The following CAB39 variants were observed in gnomAD, a reference collection of about 807,000 sequenced individuals.
CAB39 encodes the protein calcium binding protein 39, also known as calcium-binding protein 39.
A neutral mutation model predicts 40.0 loss-of-function variants in CAB39; 8 were observed. The observed-to-expected ratio is 0.20, with a 90% CI of 0.12 to 0.36. The LOEUF is 0.36. CAB39 is among the 10% of genes least tolerant of loss of function. CAB39 has a pLI of 1.00. For missense variants in CAB39, 270 were observed against 401.1 expected (o/e 0.67, Z 2.79); for synonymous variants, 156 against 141.6 (o/e 1.10, Z -0.72).
intron 4 of CAB39, among the ~76,000 whole-genome samples, chr2:230,797,376 A>G (rs1696004572): frequency 6.6e-6 from 1 of 152,184 alleles, no homozygotes; most frequent in South Asian, 2.1e-4. Flanking sequence ...CACACTAGAC[A>G]AATTTCAGGT....
At chr2:230,724,508 C>T (rs1345682910) in intron 1 of CAB39, among the ~76,000 whole-genome samples, 6 of 152,028 alleles carry the variant, frequency 3.9e-5, no homozygotes, top group African/African-American at 1.4e-4. Flanking sequence ...ATGGAGAAAT[C>T]CCGCCTCCAC....
At chr2:230,767,726 A>C (rs1695412553) in intron 2 of CAB39, among the ~76,000 whole-genome samples, 1 of 152,182 alleles carries the variant, frequency 6.6e-6, no homozygotes, top group Non-Finnish European at 1.5e-5. Context: ...TGCCCTGAGC[A>C]ATGAGGCCCA....
intron 2 of CAB39, among the ~76,000 whole-genome samples, chr2:230,769,304 T>G (rs1345467398): frequency 1.3e-5 from 2 of 152,186 alleles, no homozygotes; most frequent in African/African-American, 2.4e-5. Context: ...ACACAATTAA[T>G]AGTTGGAGAT....
At chr2:230,786,213 C>T (rs947283422) in intron 2 of CAB39, among the ~76,000 whole-genome samples, 2 of 150,914 alleles carry the variant, frequency 1.3e-5, no homozygotes, top group Non-Finnish European at 3.0e-5. Flanking sequence ...CCATGTTGCC[C>T]AGGCTGGTCT....
intron 2 of CAB39, among the ~76,000 whole-genome samples, chr2:230,770,819 G>A (rs1695469284): frequency 6.6e-6 from 1 of 151,844 alleles, no homozygotes; most frequent in African/African-American, 2.4e-5. Context: ...ATGAAAAGGG[G>A]AAAAAAACCA....
rs76086615 is a variant in CAB39 at position 230,729,317 on chromosome 2, G to C, written c.-44+16087G>C. Among the ~76,000 whole-genome samples the C allele has an allele frequency of 2.9e-3, 441 of 152,312 alleles. 3 individuals are homozygous for C. The highest frequency in any genetic ancestry group is 0.014 in the Admixed American group (207 of 15,292). ...AACAAAGATGCCCAGTAACACTGATGTTTGATAATGTCTTGGCCAGTGCAA... is the reference window on the plus strand; with the variant it reads ...AACAAAGATGCCCAGTAACACTGATCTTTGATAATGTCTTGGCCAGTGCAA... On this transcript the variant is annotated intron_variant, in intron 1 of 8. Transcript: ENST00000258418.
chr2:230,721,490 A>G (rs932066660), intron 1 of CAB39, among the ~76,000 whole-genome samples: 2 of 151,960 alleles, frequency 1.3e-5, no homozygotes, highest in African/African-American at 4.8e-5. Flanking sequence ...CCAAAATACA[A>G]TTTTTTCTGT....
intron 2 of CAB39, among the ~76,000 whole-genome samples, chr2:230,783,425 G>A (rs1695729569): frequency 7.7e-6 from 1 of 130,642 alleles, no homozygotes; most frequent in African/African-American, 2.8e-5. Flanking sequence ...TTCTTAGAGG[G>A]AAGTCTGTTC....
chr2:230,740,260 C>G (rs888246833), intron 1 of CAB39, among the ~76,000 whole-genome samples: 1 of 152,168 alleles, frequency 6.6e-6, no homozygotes. Context: ...ACTCTCTTCC[C>G]TGACCTATTC....
In CAB39 at chr2:230,818,895, A is replaced by G. The variant is rs573803733; in HGVS notation, c.*191A>G. 1.9e-6 allele frequency: 1 copy of G among 523,824 alleles called. No homozygotes were observed. The highest frequency in any genetic ancestry group is 3.4e-6 in the Non-Finnish European group (1 of 291,346). The allele number at this position is 523,824 out of a possible 1,614,324, so 32.4% of individuals were successfully genotyped here. A position where few individuals can be genotyped will look rare whatever the true frequency, so the allele number is the denominator to read the frequency against. ...TGCTGCTGCTTGCACACTAGGGCAC[A>G]TGTGGGCTTTCTCTTGATCTTTGTG... On this transcript the variant is annotated 3_prime_UTR_variant, in exon 9 of 9. Coordinates refer to ENST00000258418, the MANE Select transcript of CAB39 (RefSeq NM_016289.4).
chr2:230,725,077 G>A, intron 1 of CAB39: 1 of 1,539,136 alleles, frequency 6.5e-7, no homozygotes, highest in Non-Finnish European at 9.0e-7. Context: ...AGAGGACAGG[G>A]GAGGAGTCCC....
At chr2:230,808,461 TC>T (rs1361971451) in intron 5 of CAB39, among the ~76,000 whole-genome samples, 1 of 152,224 alleles carries the variant, frequency 6.6e-6, no homozygotes, top group Non-Finnish European at 1.5e-5. Flanking sequence ...AATGGTGCTG[TC>T]CGTACTTGAT....
Position 230,818,733 on chromosome 2 carries a change from A to G in CAB39, c.*29A>G. On this transcript the variant is annotated 3_prime_UTR_variant, in exon 9 of 9. Transcript: ENST00000258418. ...CCAATAAACATCTATGTTAAATCCA[A>G]ATTCAGCATTTGCTGTTAGCTATTC... 2 of 1,571,738 alleles carry G rather than the reference A, an allele frequency of 1.3e-6. No individual in the cohort carries two copies. The highest frequency in any genetic ancestry group is 1.7e-6 in the Non-Finnish European group (2 of 1,145,052).
intron 2 of CAB39, among the ~76,000 whole-genome samples, chr2:230,778,307 A>G (rs1695629019): frequency 6.6e-6 from 1 of 152,162 alleles, no homozygotes; most frequent in South Asian, 2.1e-4. Flanking sequence ...GCCGGTTTGG[A>G]TCTACTGAGT....
intron 2 of CAB39, among the ~76,000 whole-genome samples, chr2:230,765,846 T>C (rs1044829896): frequency 6.6e-6 from 1 of 152,152 alleles, no homozygotes; most frequent in Admixed American, 6.5e-5. Flanking sequence ...AATGCTGAGA[T>C]TGAGAACTCC....
chr2:230,755,624 AT>A (rs1464898832), intron 1 of CAB39, among the ~76,000 whole-genome samples: 4 of 152,268 alleles, frequency 2.6e-5, no homozygotes, highest in Admixed American at 6.5e-5. Flanking sequence ...TTCTTTTGCC[AT>A]GCAAAAGCAC....
At position 230,783,442 on chromosome 2, in the gene CAB39, A is replaced by AGTTTAGTTTTGTTTT. The variant is rs144986777; in HGVS notation, c.115-7426_115-7425insAGTTTTGTTTTGTTT. 3.4e-5 allele frequency among the ~76,000 whole-genome samples: 5 copies of AGTTTAGTTTTGTTTT among 148,986 alleles called. No homozygotes were observed. The East Asian group carries it at 8.0e-4, about 24-fold the overall frequency. On this transcript the variant is annotated intron_variant, in intron 2 of 8. Transcript: ENST00000258418. Reference sequence around the variant, plus strand: ...CTTAGAGGGAAGTCTGTTCTTGTCTAGTTTTGTTTTGTTTTGTTTTGTTTT... The same window carrying AGTTTAGTTTTGTTTT: ...CTTAGAGGGAAGTCTGTTCTTGTCTAGTTTAGTTTTGTTTTGTTTTGTTTTGTTTTGTTTTGTTTT...
intron 1 of CAB39, among the ~76,000 whole-genome samples, chr2:230,748,831 A>AAATATATATATATAT (rs1386799920): frequency 1.1e-4 from 3 of 28,506 alleles, no homozygotes; most frequent in Non-Finnish European, 1.9e-4. Context: ...AAAAAAAAAA[A>AAATATATATATATAT]ATATATATAT....
intron 4 of CAB39, among the ~76,000 whole-genome samples, chr2:230,797,474 G>T (rs1230073565): frequency 1.3e-5 from 2 of 150,824 alleles, no homozygotes; most frequent in Non-Finnish European, 2.9e-5. Flanking sequence ...GTTTAGAACT[G>T]GGTAACTGAA....
Sources: gnomAD v4.1 joint callset for allele counts (sites outside exome capture counted in the v4.1 genomes callset) on GRCh38, gnomAD v4.1.1 for gene constraint, MANE v1.5 for transcripts, NCBI Gene and HGNC (gene_info 2026-07-23, HGNC 2026-07-21) for gene names.